Variants in CHRNA7 observed in about 807,000 individuals in gnomAD.
CHRNA7 encodes the protein cholinergic receptor nicotinic alpha 7 subunit.
A neutral mutation model predicts 48.0 loss-of-function variants in CHRNA7; 17 were observed. That is an observed-to-expected ratio of 0.35 (90% CI 0.24 to 0.53). CHRNA7 has a LOEUF of 0.53. CHRNA7 is among the 20% of genes least tolerant of loss of function. The probability of loss-of-function intolerance (pLI) is 0.92; values close to 1 mark genes in which losing one functional copy is unlikely to be tolerated. For synonymous variants in CHRNA7, 75 were observed against 242.3 expected, an observed-to-expected ratio of 0.31 and a Z score of 6.41; for missense variants, 155 against 577.7, an observed-to-expected ratio of 0.27 and a Z score of 7.50.
chr15:32,038,071 T>TATATATAA (rs917564222), intron 2 of CHRNA7, among the ~76,000 whole-genome samples: 2 of 146,786 alleles, frequency 1.4e-5, no homozygotes, highest in African/African-American at 4.9e-5. Flanking sequence ...TATATATATA[T>TATATATAA]AAATATACAT....
At chr15:32,051,976 C>T (rs1296590348) in intron 2 of CHRNA7, among the ~76,000 whole-genome samples, 1 of 152,152 alleles carries the variant, frequency 6.6e-6, no homozygotes, top group Non-Finnish European at 1.5e-5. Flanking sequence ...TGCACCTGGC[C>T]CTCTCTTCAG....
intron 2 of CHRNA7, among the ~76,000 whole-genome samples, chr15:32,044,889 T>A (rs1323061897): frequency 1.3e-5 from 2 of 152,216 alleles, no homozygotes; most frequent in African/African-American, 4.8e-5. Flanking sequence ...GAAGACTAAT[T>A]TATTCCATAT....
At chr15:32,129,692 T>C (rs1343707056) in intron 4 of CHRNA7, among the ~76,000 whole-genome samples, 10 of 151,926 alleles carry the variant, frequency 6.6e-5, no homozygotes, top group Non-Finnish European at 2.9e-5. Flanking sequence ...TTGATTTTTT[T>C]TTCTTTTTTT....
intron 3 of CHRNA7, among the ~76,000 whole-genome samples, chr15:32,107,149 T>G (rs1419883992): frequency 6.6e-6 from 1 of 152,200 alleles, no homozygotes; most frequent in African/African-American, 2.4e-5. Flanking sequence ...GTGATGACTT[T>G]TCTAGCACCA....
In CHRNA7 at chr15:32,149,684, T is replaced by G. The variant is rs1364025085; in HGVS notation, c.351-4223T>G. ...TTGATAACATTTATGTGTTACAATT[T>G]CATGTAGCTCAATATTCTGTTTGGA... On this transcript the variant is annotated intron_variant, in intron 4 of 9. Transcript: ENST00000306901. This position sits in a 1 kb window ranked among gnomAD's most constrained non-coding sequence, Gnocchi z 4.6. Among the ~76,000 whole-genome samples the G allele has an allele frequency of 6.6e-6, 1 of 152,196 alleles. No homozygotes were observed. The highest frequency in any genetic ancestry group is 2.4e-5 in the African/African-American group (1 of 41,438).
At chr15:32,113,295 C>A (rs2050794329) in intron 4 of CHRNA7, among the ~76,000 whole-genome samples, 1 of 152,146 alleles carries the variant, frequency 6.6e-6, no homozygotes. Context: ...CCTGTAAGCA[C>A]TGCAGTCAAA....
intron 4 of CHRNA7, among the ~76,000 whole-genome samples, chr15:32,127,257 A>G (rs184662944): frequency 2.7e-3 from 416 of 152,262 alleles, no homozygotes; most frequent in African/African-American, 9.2e-3. Context: ...CGCTATTGCA[A>G]TCATAGCTTC....
At chr15:32,120,642 G>T (rs768774168) in intron 4 of CHRNA7, among the ~76,000 whole-genome samples, 8 of 151,898 alleles carry the variant, frequency 5.3e-5, no homozygotes, top group Non-Finnish European at 1.0e-4. Context: ...GACAGGTGCT[G>T]CGGTGAATAG....
intron 4 of CHRNA7, among the ~76,000 whole-genome samples, chr15:32,124,696 A>G: frequency 6.6e-6 from 1 of 152,308 alleles, no homozygotes; most frequent in Non-Finnish European, 1.5e-5. Flanking sequence ...TTAGGGACTG[A>G]ATGATTGTGT....
At chr15:32,072,235 C>T (rs2050069642) in intron 2 of CHRNA7, among the ~76,000 whole-genome samples, 2 of 152,156 alleles carry the variant, frequency 1.3e-5, no homozygotes, top group African/African-American at 2.4e-5. Context: ...GAGTGATAAC[C>T]TAGGGCATCT....
chr15:32,111,680 A>G (rs1731032234), intron 3 of CHRNA7, 110 bp from the exon 4 acceptor site: 2 of 641,954 alleles, frequency 3.1e-6, no homozygotes, highest in Non-Finnish European at 5.6e-6. Flanking sequence ...CAATTCAGTT[A>G]TAATAAATGT....
chr15:32,100,342 C>A (rs888275360), intron 2 of CHRNA7: 1 of 152,184 alleles, frequency 6.6e-6, no homozygotes, highest in Admixed American at 6.5e-5. Context: ...TCACAGAGTC[C>A]TTTACGTTGG....
chr15:32,090,654 A>T (rs1217694390), intron 2 of CHRNA7, among the ~76,000 whole-genome samples: 1 of 50,090 alleles, frequency 2.0e-5, no homozygotes, highest in Non-Finnish European at 6.4e-5. Flanking sequence ...TTTTCATTTC[A>T]TTCATTTTTT....
intron 8 of CHRNA7, chr15:32,162,532 A>G (rs1424680535): frequency 1.1e-5 from 1 of 89,576 alleles, no homozygotes; most frequent in Admixed American, 1.0e-4. Flanking sequence ...CCCCACCTCC[A>G]GATACCATCC....
chr15:32,163,146 C>T, intron 8 of CHRNA7, 80 bp from the exon 9 acceptor site: 3 of 373,826 alleles, frequency 8.0e-6, no homozygotes, highest in Admixed American at 4.8e-5. Flanking sequence ...GGTCAGAGAA[C>T]CTGATCAGGG....
chr15:32,148,234 C>G (rs1256874282), intron 4 of CHRNA7, among the ~76,000 whole-genome samples: 2 of 152,154 alleles, frequency 1.3e-5, no homozygotes, highest in Non-Finnish European at 2.9e-5. Context: ...TCATCTTTAC[C>G]TGAATGCAGA....
chr15:32,047,009 G>A (rs1340573279), intron 2 of CHRNA7, among the ~76,000 whole-genome samples: 9 of 148,826 alleles, frequency 6.0e-5, no homozygotes, highest in African/African-American at 1.3e-4. Flanking sequence ...TGAGGGCTCT[G>A]TTCTGTTCCA....
At chr15:32,095,800 C>A (rs887493768) in intron 2 of CHRNA7, among the ~76,000 whole-genome samples, 1 of 152,208 alleles carries the variant, frequency 6.6e-6, no homozygotes, top group Non-Finnish European at 1.5e-5. Context: ...TGTACAATTA[C>A]CAAAGGGAAT....
intron 2 of CHRNA7, among the ~76,000 whole-genome samples, chr15:32,062,313 T>C (rs942899031): frequency 2.6e-5 from 4 of 152,356 alleles, no homozygotes; most frequent in African/African-American, 9.6e-5. Flanking sequence ...ATAATCATTT[T>C]TGTTTAAATT....
Sources: allele counts gnomAD v4.1 joint callset (sites outside exome capture counted in the v4.1 genomes callset), GRCh38; gene constraint gnomAD v4.1.1; non-coding constraint Gnocchi (gnomAD v3.1); transcripts MANE v1.5; gene names NCBI Gene and HGNC (gene_info 2026-07-23, HGNC 2026-07-21).